The following TSNARE1 variants were observed in gnomAD, a reference collection of about 807,000 sequenced individuals.
The protein encoded by TSNARE1 is t-SNARE domain-containing protein 1.
In TSNARE1, 49 loss-of-function variants were observed where a neutral mutation model predicts 62.0. The ratio of observed to expected loss-of-function variants is 0.79; its 90% CI spans 0.63 to 1.00. TSNARE1 has a LOEUF of 1.00. Ranked by LOEUF, TSNARE1 falls within the 50% of genes least tolerant of loss-of-function variation. The pLI is 0.00. For synonymous variants in TSNARE1, 328 were observed against 294.4 expected, an observed-to-expected ratio of 1.11 and a Z score of -1.17; for missense variants, 755 against 700.1, an observed-to-expected ratio of 1.08 and a Z score of -0.88.
intron 13 of TSNARE1, among the ~76,000 whole-genome samples, chr8:142,222,059 ACTGAT>A (rs2129928870): frequency 3.4e-5 from 5 of 146,778 alleles, no homozygotes. Context: ...TCACTCACTC[ACTGAT>A]TCACTCACTC....
At chr8:142,314,614 G>T (rs1405010954) in intron 8 of TSNARE1, among the ~76,000 whole-genome samples, 174 bp from the exon 9 acceptor site, 1 of 152,046 alleles carries the variant, frequency 6.6e-6, no homozygotes, top group Non-Finnish European at 1.5e-5. Context: ...CTCGCTGGAT[G>T]GCCTCTGTCC....
chr8:142,280,042 C>T, intron 11 of TSNARE1: 1 of 1,233,882 alleles, frequency 8.1e-7, no homozygotes, highest in South Asian at 1.4e-5. Context: ...GTCGCGGCGG[C>T]AGTAGCCCAG....
chr8:142,222,788 T>C (rs1329662237), intron 13 of TSNARE1, among the ~76,000 whole-genome samples: 10 of 113,444 alleles, frequency 8.8e-5, no homozygotes, highest in African/African-American at 2.2e-4. Flanking sequence ...ACTCACTCAC[T>C]CACTCATCCA....
At chr8:142,284,370 C>A in intron 11 of TSNARE1, 43 bp downstream of exon 11, 2 of 1,535,120 alleles carry the variant, frequency 1.3e-6, no homozygotes, top group Middle Eastern at 1.7e-4. Flanking sequence ...GGCAGGCAGG[C>A]CCTCGGGGCA....
chr8:142,305,001 C>A (rs937087260), intron 9 of TSNARE1, among the ~76,000 whole-genome samples: 1 of 152,166 alleles, frequency 6.6e-6, no homozygotes, highest in Non-Finnish European at 1.5e-5. Flanking sequence ...AAGAGGTCCC[C>A]GGGGCAGCCC....
chr8:142,398,006 T>C (rs919158142), intron 1 of TSNARE1, among the ~76,000 whole-genome samples: 1 of 152,046 alleles, frequency 6.6e-6, no homozygotes, highest in African/African-American at 2.4e-5. Context: ...AGCCCAGGCC[T>C]CACCCTGCCT....
chr8:142,238,143 T>C (rs1451757803), intron 12 of TSNARE1, among the ~76,000 whole-genome samples: 1 of 151,880 alleles, frequency 6.6e-6, no homozygotes, highest in Non-Finnish European at 1.5e-5. Context: ...TGTTGGCCTC[T>C]TTCTGGGGAG....
intron 11 of TSNARE1, chr8:142,279,968 C>T: frequency 8.9e-7 from 1 of 1,122,244 alleles, no homozygotes. Flanking sequence ...GCGGGGCCGC[C>T]CTCCGCCAGC....
At chr8:142,256,310 TC>T (rs1818552738) in intron 12 of TSNARE1, among the ~76,000 whole-genome samples, 4 of 62,538 alleles carry the variant, frequency 6.4e-5, no homozygotes, top group Admixed American at 3.1e-4. Context: ...ACCACCACCA[TC>T]ATCACCACCA....
intron 1 of TSNARE1, among the ~76,000 whole-genome samples, chr8:142,396,957 G>A (rs1008968231): frequency 2.6e-5 from 4 of 152,180 alleles, no homozygotes; most frequent in African/African-American, 7.2e-5. Context: ...TAGCAGTGGC[G>A]AGGCAGCCCG....
At chr8:142,340,283 G>T (rs909584883) in intron 4 of TSNARE1, among the ~76,000 whole-genome samples, 3 of 152,228 alleles carry the variant, frequency 2.0e-5, no homozygotes, top group East Asian at 3.9e-4. Flanking sequence ...GTTTCCTCGT[G>T]ATGGCAGGAA....
chr8:142,299,018 C>T (rs777256226), intron 10 of TSNARE1, among the ~76,000 whole-genome samples: 3 of 152,214 alleles, frequency 2.0e-5, no homozygotes, highest in Non-Finnish European at 2.9e-5. Context: ...GAGAAGCCCC[C>T]GAAGCAGCCT....
At chr8:142,313,382 G>A (rs1318266300) in intron 9 of TSNARE1, among the ~76,000 whole-genome samples, 1 of 149,140 alleles carries the variant, frequency 6.7e-6, no homozygotes, top group African/African-American at 2.5e-5. Flanking sequence ...GTGTCTGCAT[G>A]TCTATGTGTC....
chr8:142,373,023 T>C (rs1469016888), intron 1 of TSNARE1, among the ~76,000 whole-genome samples: 1 of 152,156 alleles, frequency 6.6e-6, no homozygotes. Flanking sequence ...TGTCCCTCCA[T>C]CCTACCCCTC....
chr8:142,365,602 GCACACACA>G (rs1554674591), intron 1 of TSNARE1, among the ~76,000 whole-genome samples: 1 of 144,400 alleles, frequency 6.9e-6, no homozygotes, highest in South Asian at 2.3e-4. Flanking sequence ...ACATGCACAC[GCACACACA>G]CACACACACA....
chr8:142,240,144 A>G (rs1817613787), intron 12 of TSNARE1, among the ~76,000 whole-genome samples: 1 of 152,230 alleles, frequency 6.6e-6, no homozygotes, highest in Non-Finnish European at 1.5e-5. Flanking sequence ...CTGAAAATGA[A>G]AAATAACAGG....
At chr8:142,343,902 TG>T in intron 4 of TSNARE1, 63 bp downstream of exon 4, 2 of 1,420,314 alleles carry the variant, frequency 1.4e-6, no homozygotes, top group East Asian at 2.7e-5. Context: ...ATGGCCAAGA[TG>T]GGCCCCCCCC....
intron 13 of TSNARE1, among the ~76,000 whole-genome samples, chr8:142,212,792 C>T (rs1171514755): frequency 1.5e-5 from 1 of 67,672 alleles, no homozygotes; most frequent in Non-Finnish European, 3.0e-5. Context: ...CCTCCTCCTC[C>T]TTCTCTCCAA....
chr8:142,299,879 G>A (rs1450593259), intron 10 of TSNARE1, among the ~76,000 whole-genome samples: 1 of 152,164 alleles, frequency 6.6e-6, no homozygotes, highest in South Asian at 2.1e-4. Context: ...TTGGCAGCAG[G>A]TATTATACAT....
Sources: allele counts gnomAD v4.1 joint callset (sites outside exome capture counted in the v4.1 genomes callset), GRCh38; gene constraint gnomAD v4.1.1; transcripts MANE v1.5; gene names NCBI Gene and HGNC (gene_info 2026-07-23, HGNC 2026-07-21).